Variants in GRM4 observed in about 807,000 individuals in gnomAD.
The protein encoded by GRM4 is glutamate metabotropic receptor 4, also known as metabotropic glutamate receptor 4.
In GRM4, 28 loss-of-function variants were observed where a neutral mutation model predicts 81.7. The observed-to-expected ratio is 0.34, with a 90% CI of 0.25 to 0.47. The LOEUF (loss-of-function observed/expected upper bound fraction) is 0.47. Ranked by LOEUF, GRM4 falls within the 20% of genes least tolerant of loss-of-function variation. The probability of loss-of-function intolerance (pLI) is 1.00; values close to 1 mark genes in which losing one functional copy is unlikely to be tolerated. For missense variants in GRM4, 948 were observed against 1,290.0 expected, an observed-to-expected ratio of 0.73 and a Z score of 4.06; for synonymous variants, 488 against 528.8, an observed-to-expected ratio of 0.92 and a Z score of 1.06.
At position 34,059,237 on chromosome 6, in the gene GRM4, G is replaced by A. The variant is rs974197364; in HGVS notation, c.873-109C>T. ...CGTCCCTCACCCCCAGAAGCCCAGG[G>A]TCCACAACTGTCCCAGCACCGATGC... is the stretch of plus-strand genomic sequence containing the variant. On this transcript the variant is annotated intron_variant, in intron 4 of 10. Coordinates refer to ENST00000538487, the MANE Select transcript of GRM4 (RefSeq NM_000841.4). This position sits in a 1 kb window ranked among gnomAD's most constrained non-coding sequence, Gnocchi z 5.7. The A allele has an allele frequency of 1.1e-6, 1 of 916,652 alleles. No homozygotes were observed. The highest frequency in any genetic ancestry group is 1.7e-6 in the Non-Finnish European group (1 of 588,924). The allele number at this position is 916,652 out of a possible 1,614,324, so 56.8% of individuals were successfully genotyped here.
At chr6:34,088,014 T>C (rs574799931) in intron 3 of GRM4, among the ~76,000 whole-genome samples, 1 of 151,972 alleles carries the variant, frequency 6.6e-6, no homozygotes, top group East Asian at 1.9e-4. Flanking sequence ...TTCCCAGGCC[T>C]CCCCAGGACT....
chr6:34,037,137 G>A (rs1764754184), intron 8 of GRM4, among the ~76,000 whole-genome samples: 2 of 152,198 alleles, frequency 1.3e-5, no homozygotes, highest in Non-Finnish European at 2.9e-5. Context: ...CCCAGCCCAA[G>A]GCACCTCTGC....
chr6:34,040,095 G>A, intron 8 of GRM4, 83 bp downstream of exon 8: 1 of 1,374,808 alleles, frequency 7.3e-7, no homozygotes. Flanking sequence ...GGGCTAATCA[G>A]CAGCAGCCTC....
chr6:34,030,357 A>G (rs1433467494), intron 9 of GRM4, among the ~76,000 whole-genome samples: 2 of 152,226 alleles, frequency 1.3e-5, no homozygotes, highest in Non-Finnish European at 1.5e-5. Flanking sequence ...TAAGACACCC[A>G]TCTTAGACCC....
At chr6:34,046,547 G>T (rs894889630) in intron 6 of GRM4, among the ~76,000 whole-genome samples, 2 of 152,110 alleles carry the variant, frequency 1.3e-5, no homozygotes, top group African/African-American at 2.4e-5. Flanking sequence ...TCCTGCTGGG[G>T]ACCTCCAGGA....
upstream of GRM4, among the ~76,000 whole-genome samples, chr6:34,148,423 C>T (rs1296599779): frequency 3.3e-5 from 5 of 152,032 alleles, no homozygotes; most frequent in African/African-American, 7.3e-5. Flanking sequence ...CATAGACTAA[C>T]ACACACACTG....
intron 1 of GRM4, among the ~76,000 whole-genome samples, chr6:34,145,793 C>A (rs897638082): frequency 1.6e-4 from 24 of 152,290 alleles, no homozygotes; most frequent in Admixed American, 7.2e-4. Flanking sequence ...AAGCTCACGG[C>A]GCTTCTGCCG....
At chr6:34,147,526 G>A (rs982193181), upstream of GRM4, among the ~76,000 whole-genome samples, 1 of 152,208 alleles carries the variant, frequency 6.6e-6, no homozygotes, top group South Asian at 2.1e-4. Context: ...ATTGCTCAAG[G>A]TCCTCAGTTT....
chr6:34,142,435 G>A (rs1255516861), intron 1 of GRM4, among the ~76,000 whole-genome samples: 3 of 152,224 alleles, frequency 2.0e-5, no homozygotes, highest in Admixed American at 6.5e-5. Flanking sequence ...GTGGTAATTA[G>A]AGGCTGCAGG....
At chr6:34,026,970 T>C (rs184839246) in intron 10 of GRM4, among the ~76,000 whole-genome samples, 15 of 152,170 alleles carry the variant, frequency 9.9e-5, no homozygotes, top group Non-Finnish European at 2.1e-4. Flanking sequence ...GGTCCCCAAT[T>C]TGGCAGAAAG....
chr6:34,070,457 C>T lies in GRM4; in HGVS notation c.737-8429G>A, dbSNP rs1766756184. On this transcript the variant is annotated intron_variant, in intron 3 of 10. Transcript: ENST00000538487. This position sits in a 1 kb window ranked among gnomAD's most constrained non-coding sequence, Gnocchi z 4.6. ...AGGCACCGGGTCACAAGGGCCCTGC[C>T]TGAAGACAGGTGACTCAGTTGATAG... 6.6e-6 allele frequency among the ~76,000 whole-genome samples: 1 copy of T among 152,120 alleles called. No homozygotes were observed. Among genetic ancestry groups the T allele is most frequent in the Admixed American group, 6.5e-5 (1 of 15,276 alleles).
intron 3 of GRM4, among the ~76,000 whole-genome samples, chr6:34,073,331 ACACT>A (rs1382565838): frequency 5.9e-5 from 9 of 151,268 alleles, no homozygotes; most frequent in East Asian, 1.9e-4. Context: ...CCACACACAC[ACACT>A]CACACTTCAC....
At chr6:34,142,505 C>G (rs547221579) in intron 1 of GRM4, among the ~76,000 whole-genome samples, 2 of 152,298 alleles carry the variant, frequency 1.3e-5, no homozygotes, top group Non-Finnish European at 2.9e-5. Context: ...AGCTAAGGAG[C>G]CTGTGGGTTC....
intron 2 of GRM4, chr6:34,110,621 T>C (rs753189311): frequency 1.1e-6 from 1 of 924,490 alleles, no homozygotes; most frequent in Non-Finnish European, 1.7e-6. Flanking sequence ...ACAGCAGCCC[T>C]GCTCCCTACC....
chr6:34,107,141 C>T (rs1198326769), intron 2 of GRM4, among the ~76,000 whole-genome samples: 1 of 152,202 alleles, frequency 6.6e-6, no homozygotes, highest in African/African-American at 2.4e-5. Context: ...TGAGAAGGAC[C>T]CCAGGGGATC....
chr6:34,073,059 C>CACAGATACACACCACACACATGACCAT (rs1767064771), intron 3 of GRM4, among the ~76,000 whole-genome samples: 3 of 112,830 alleles, frequency 2.7e-5, no homozygotes. Flanking sequence ...CACATCACCA[C>CACAGATACACACCACACACATGACCAT]ACAGATACAC....
rs766379443 is a variant in GRM4, at chr6:34,036,629, G to A, written c.1507-26C>T. On this transcript the variant is annotated intron_variant, in intron 8 of 10. Transcript: ENST00000538487. The surrounding 1 kb of genome is among the most constrained non-coding windows in gnomAD (Gnocchi z 9.0). ...CTGGCAATGACAGCACCGTAAAGCA[G>A]GCCTCAGAACATGCCACCCGGTGCC... is the stretch of plus-strand genomic sequence containing the variant. The A allele has an allele frequency of 1.5e-6, 2 of 1,374,724 alleles. No individual in the cohort carries two copies. Among genetic ancestry groups the A allele is most frequent in the Non-Finnish European group, 2.0e-6 (2 of 995,580 alleles). The allele number at this position is 1,374,724 out of a possible 1,614,324, so 85.2% of individuals were successfully genotyped here. A position where few individuals can be genotyped will look rare whatever the true frequency, so the allele number is the denominator to read the frequency against.
rs1764945486 is a variant in GRM4 at position 34,040,381 on chromosome 6, G to GCT, written c.1370-68_1370-67insAG. 2.6e-6 allele frequency: 4 copies of GCT among 1,552,794 alleles called. No individual in the cohort carries two copies. In the Admixed American group the frequency reaches 6.8e-5, roughly 26 times the overall value. On this transcript the variant is annotated intron_variant, in intron 7 of 10. Coordinates refer to ENST00000538487, the MANE Select transcript of GRM4 (RefSeq NM_000841.4). Reference sequence around the variant, plus strand: ...AGGCAGGGCGGATGATGAGCCTGGGGCAGAGACCTCTCTGACACACCCATT... The same window carrying GCT: ...AGGCAGGGCGGATGATGAGCCTGGGGCTCAGAGACCTCTCTGACACACCCATT...
intron 2 of GRM4, among the ~76,000 whole-genome samples, chr6:34,108,795 T>C (rs58817941): frequency 0.029 from 4,425 of 151,994 alleles, 173 homozygotes; most frequent in African/African-American, 0.09. Context: ...CGCCATCTCC[T>C]GGCTGCCCAC....
Sources: gnomAD v4.1 joint callset for allele counts (sites outside exome capture counted in the v4.1 genomes callset) on GRCh38, gnomAD v4.1.1 for gene constraint, Gnocchi (gnomAD v3.1) non-coding constraint, MANE v1.5 for transcripts, NCBI Gene and HGNC (gene_info 2026-07-23, HGNC 2026-07-21) for gene names.